PEAK1: variants seen among roughly 807,000 people sequenced by gnomAD.
PEAK1 encodes the protein inactive tyrosine-protein kinase PEAK1.
In PEAK1, 54 loss-of-function variants were observed where a neutral mutation model predicts 124.7. The ratio of observed to expected loss-of-function variants is 0.43; its 90% CI spans 0.35 to 0.54. PEAK1 has a LOEUF of 0.54. Ranked by LOEUF, PEAK1 falls within the 20% of genes least tolerant of loss-of-function variation. PEAK1 has a pLI of 0.01. For synonymous variants in PEAK1, 719 were observed against 760.0 expected (o/e 0.95, Z 0.89); for missense variants, 2,046 against 2,134.5 (o/e 0.96, Z 0.82).
intron 1 of PEAK1, among the ~76,000 whole-genome samples, chr15:77,407,751 C>T (rs905281862): frequency 1.6e-4 from 24 of 152,072 alleles, no homozygotes; most frequent in African/African-American, 5.6e-4. Flanking sequence ...AAATCCCACT[C>T]CTGAGTATCT....
intron 1 of PEAK1, chr15:77,418,367 C>A: frequency 6.1e-6 from 6 of 985,016 alleles, no homozygotes; most frequent in Non-Finnish European, 6.0e-6. Flanking sequence ...ATAATGTAGT[C>A]ATGTTAGAGA....
Position 77,274,615 on chromosome 15 carries a change from A to G in PEAK1, c.-275+9268T>C, listed in dbSNP as rs151202027. On this transcript the variant is annotated intron_variant, in intron 5 of 9. Coordinates refer to ENST00000682557, the MANE Select transcript of PEAK1 (RefSeq NM_001385026.1). ...AAAATAAAATAAATCATAATCAAAA[A>G]TTAAAAAACCAAAAATAAAAAAACT... Among the ~76,000 whole-genome samples the G allele has an allele frequency of 5.2e-3, 790 of 152,190 alleles. 10 individuals carry two copies. The highest frequency in any genetic ancestry group is 0.018 in the African/African-American group (762 of 41,566).
At chr15:77,400,419 T>G (rs1364635545) in intron 1 of PEAK1, among the ~76,000 whole-genome samples, 1 of 152,020 alleles carries the variant, frequency 6.6e-6, no homozygotes, top group Non-Finnish European at 1.5e-5. Context: ...CCTATGTCCA[T>G]CAACAGAAAC....
Position 77,349,946 on chromosome 15 carries a change from C to T in PEAK1, c.-603+15217G>A, listed in dbSNP as rs80027657. On this transcript the variant is annotated intron_variant, in intron 2 of 9. Coordinates refer to ENST00000682557, the MANE Select transcript of PEAK1 (RefSeq NM_001385026.1). ...GTGTCACGAAGAAAATATACATCTG[C>T]TCCATATTCCAAATTCTTCCTTTAA... The T allele has an allele frequency of 2.4e-3, 2,336 of 984,622 alleles. 53 individuals are homozygous for T. In the African/African-American group the frequency reaches 0.038, roughly 16 times the overall value. The allele number at this position is 984,622 out of a possible 1,614,324, so 61.0% of individuals were successfully genotyped here. A position where few individuals can be genotyped will look rare whatever the true frequency, so the allele number is the denominator to read the frequency against.
At chr15:77,281,773 T>C (rs963003427) in intron 5 of PEAK1, among the ~76,000 whole-genome samples, 3 of 152,164 alleles carry the variant, frequency 2.0e-5, no homozygotes, top group Non-Finnish European at 2.9e-5. Context: ...TAATGAAATA[T>C]TCAATAACTA....
In PEAK1 at chr15:77,108,292, A is replaced by G. The variant is rs1306106798; in HGVS notation, c.*5864T>C. ...GACCTTTCAATGATAGATTTATACA[A>G]CTTTACAATATGTAAGTAGAGGGGT... On this transcript the variant is annotated 3_prime_UTR_variant, in exon 10 of 10. Coordinates refer to ENST00000682557, the MANE Select transcript of PEAK1 (RefSeq NM_001385026.1). The G allele has an allele frequency of 6.6e-6, 1 of 152,272 alleles. No homozygotes were observed. Among genetic ancestry groups the G allele is most frequent in the African/African-American group, 2.4e-5 (1 of 41,466 alleles). 9.4% of individuals were successfully genotyped at this position (152,272 alleles called of 1,614,324 possible).
At chr15:77,380,728 C>T (rs186858320) in intron 1 of PEAK1, among the ~76,000 whole-genome samples, 1 of 152,266 alleles carries the variant, frequency 6.6e-6, no homozygotes, top group Admixed American at 6.5e-5. Flanking sequence ...ATCCATCCAC[C>T]TCAGCCTCCC....
At chr15:77,374,374 C>T (rs750668583) in intron 1 of PEAK1, among the ~76,000 whole-genome samples, 2 of 151,994 alleles carry the variant, frequency 1.3e-5, no homozygotes, top group African/African-American at 2.4e-5. Context: ...GTACCTAGAA[C>T]GTAAAATCAG....
chr15:77,314,801 A>G (rs1041563190), intron 2 of PEAK1, among the ~76,000 whole-genome samples: 4 of 152,222 alleles, frequency 2.6e-5, no homozygotes, highest in African/African-American at 9.7e-5. Context: ...AGAGTAACGT[A>G]TAAGCATGAC....
In PEAK1 at chr15:77,279,596, G is replaced by A. The variant is rs1348959371; in HGVS notation, c.-275+4287C>T. ...TCACTTCCTGAGTCAGGATCGGCTC[G>A]TGAAAAGTTGTTAAACAACATTCTA... On this transcript the variant is annotated intron_variant, in intron 5 of 9. Transcript: ENST00000682557. Among the ~76,000 whole-genome samples, 3 of 152,196 alleles carry A rather than the reference G, an allele frequency of 2.0e-5. 1 individual carries two copies. Among genetic ancestry groups the A allele is most frequent in the Non-Finnish European group, 4.4e-5 (3 of 68,008 alleles).
At chr15:77,197,336 T>C (rs960015713) in intron 6 of PEAK1, among the ~76,000 whole-genome samples, 2 of 152,206 alleles carry the variant, frequency 1.3e-5, no homozygotes, top group African/African-American at 2.4e-5. Flanking sequence ...ATTTTATTAC[T>C]TTCCTTGGGA....
chr15:77,225,635 G>A (rs1038974350), intron 6 of PEAK1, among the ~76,000 whole-genome samples: 3 of 123,506 alleles, frequency 2.4e-5, no homozygotes, highest in Non-Finnish European at 5.0e-5. Flanking sequence ...ACAGATGTGT[G>A]TGTGTGTGTG....
At chr15:77,153,097 C>T (rs896989185) in intron 8 of PEAK1, among the ~76,000 whole-genome samples, 8 of 151,764 alleles carry the variant, frequency 5.3e-5, no homozygotes, top group African/African-American at 9.7e-5. Flanking sequence ...TGGTAGAATT[C>T]GGCTGTGAAT....
chr15:77,338,255 T>C (rs567459303), intron 2 of PEAK1, among the ~76,000 whole-genome samples: 225 of 152,336 alleles, frequency 1.5e-3, no homozygotes, highest in Admixed American at 2.2e-3. Context: ...TTTTGCTGGA[T>C]GAAACTTGCT....
intron 2 of PEAK1, among the ~76,000 whole-genome samples, chr15:77,338,312 C>G (rs1301362507): frequency 6.6e-6 from 1 of 152,146 alleles, no homozygotes; most frequent in African/African-American, 2.4e-5. Context: ...CCATCCCAAG[C>G]AAAATCAAGT....
chr15:77,312,600 G>A (rs2064545618), intron 2 of PEAK1, among the ~76,000 whole-genome samples: 1 of 152,246 alleles, frequency 6.6e-6, no homozygotes, highest in African/African-American at 2.4e-5. Context: ...GGCAGACCAG[G>A]AATGGTTTGA....
chr15:77,209,005 T>C (rs1056635088), intron 6 of PEAK1, among the ~76,000 whole-genome samples: 5 of 152,190 alleles, frequency 3.3e-5, no homozygotes, highest in African/African-American at 1.2e-4. Context: ...CTTAACTATT[T>C]TTGGAAGTTA....
intron 2 of PEAK1, among the ~76,000 whole-genome samples, chr15:77,319,582 T>C (rs2065072363): frequency 6.6e-6 from 1 of 152,202 alleles, no homozygotes; most frequent in Non-Finnish European, 1.5e-5. Flanking sequence ...TAGACAGACC[T>C]AGAACACTGA....
At chr15:77,298,730 A>G (rs2152988709) in intron 2 of PEAK1, among the ~76,000 whole-genome samples, 1 of 152,244 alleles carries the variant, frequency 6.6e-6, no homozygotes, top group East Asian at 1.9e-4. Context: ...TTTATTCTAT[A>G]AATTCTATTG....
Sources: allele counts gnomAD v4.1 joint callset (sites outside exome capture counted in the v4.1 genomes callset), GRCh38; gene constraint gnomAD v4.1.1; transcripts MANE v1.5; gene names NCBI Gene and HGNC (gene_info 2026-07-23, HGNC 2026-07-21).